The following ZNRF1 variants were observed in gnomAD, a reference collection of about 807,000 sequenced individuals.
The protein encoded by ZNRF1 is zinc and ring finger 1.
A neutral mutation model predicts 18.4 loss-of-function variants in ZNRF1; 3 were observed. The ratio of observed to expected loss-of-function variants is 0.16; its 90% confidence interval spans 0.07 to 0.42. ZNRF1 has a LOEUF of 0.42. ZNRF1 is among the 10% of genes least tolerant of loss of function. The pLI is 0.99. For synonymous variants in ZNRF1, 157 were observed against 144.2 expected, an observed-to-expected ratio of 1.09 and a Z score of -0.64; for missense variants, 310 against 329.8, an observed-to-expected ratio of 0.94 and a Z score of 0.47.
chr16:75,102,547 G>C (rs1405705975), intron 2 of ZNRF1, among the ~76,000 whole-genome samples: 2 of 152,202 alleles, frequency 1.3e-5, no homozygotes, highest in Non-Finnish European at 2.9e-5. Context: ...CTGTGGCTTG[G>C]AGGACTTCTG....
intron 1 of ZNRF1, among the ~76,000 whole-genome samples, chr16:75,010,896 G>C (rs1266507808): frequency 6.6e-6 from 1 of 151,936 alleles, no homozygotes; most frequent in Non-Finnish European, 1.5e-5. Flanking sequence ...TTTTAGTAGA[G>C]ATGGGGTTTC....
chr16:75,047,698 A>T (rs2035534367), intron 1 of ZNRF1, among the ~76,000 whole-genome samples: 1 of 152,066 alleles, frequency 6.6e-6, no homozygotes, highest in African/African-American at 2.4e-5. Flanking sequence ...TAATCATATC[A>T]CAGCTGTTTC....
rs142613865 is a variant in ZNRF1 at position 75,062,703 on chromosome 16, C to T, written c.425-30869C>T. On this transcript the variant is annotated intron_variant, in intron 1 of 4. Coordinates refer to ENST00000335325, the MANE Select transcript of ZNRF1 (RefSeq NM_032268.5). ...CAAGCCACTGTGGGTAATGGAGGCT[C>T]ATATGGGGTGGGGCTGGTGCTTGCT... Among the ~76,000 whole-genome samples, 387 of 152,274 alleles carry T rather than the reference C, an allele frequency of 2.5e-3. 1 individual carries two copies. Among genetic ancestry groups the T allele is most frequent in the African/African-American group, 8.5e-3 (354 of 41,560 alleles).
At chr16:75,075,232 A>G (rs1282293094) in intron 1 of ZNRF1, among the ~76,000 whole-genome samples, 1 of 152,244 alleles carries the variant, frequency 6.6e-6, no homozygotes, top group African/African-American at 2.4e-5. Flanking sequence ...TTTTCCTGCC[A>G]GCAGTACTGT....
chr16:75,036,884 G>A (rs953293257), intron 1 of ZNRF1, among the ~76,000 whole-genome samples: 4 of 152,138 alleles, frequency 2.6e-5, no homozygotes, highest in South Asian at 2.1e-4. Flanking sequence ...GAGTATATTC[G>A]AGAAGATGCT....
At chr16:75,050,869 T>C (rs1381499930) in intron 1 of ZNRF1, among the ~76,000 whole-genome samples, 1 of 30,668 alleles carries the variant, frequency 3.3e-5, no homozygotes, top group Non-Finnish European at 5.4e-5. Context: ...AGACTCCGTC[T>C]CAAAAAAAAA....
chr16:75,073,797 G>A (rs1398999956), intron 1 of ZNRF1, among the ~76,000 whole-genome samples: 1 of 151,986 alleles, frequency 6.6e-6, no homozygotes, highest in African/African-American at 2.4e-5. Flanking sequence ...ACATCCTCGT[G>A]CTGTATTCTG....
intron 1 of ZNRF1, among the ~76,000 whole-genome samples, chr16:75,044,013 A>G (rs942611341): frequency 1.3e-5 from 2 of 151,986 alleles, no homozygotes; most frequent in African/African-American, 4.8e-5. Context: ...TGGTTTCACC[A>G]TGTTGGCCAG....
rs1034015314 is a variant in ZNRF1 at position 75,110,985 on chromosome 16, G to A, written c.*3285G>A. On this transcript the variant is annotated 3_prime_UTR_variant, in exon 5 of 5. Coordinates refer to ENST00000335325, the MANE Select transcript of ZNRF1 (RefSeq NM_032268.5). ...AGCACGGGACAGAAACGTCACGGAG[G>A]AGTAGCCTCCAGGCTCAGGTTGGTG... 6.6e-6 allele frequency: 1 copy of A among 152,310 alleles called. No individual in the cohort carries two copies. Among genetic ancestry groups the A allele is most frequent in the Non-Finnish European group, 1.5e-5 (1 of 68,104 alleles). The allele number at this position is 152,310 out of a possible 1,614,324, so 9.4% of individuals were successfully genotyped here. A position where few individuals can be genotyped will look rare whatever the true frequency, so the allele number is the denominator to read the frequency against.
chr16:75,031,374 C>A (rs1373349375), intron 1 of ZNRF1, among the ~76,000 whole-genome samples: 2 of 152,126 alleles, frequency 1.3e-5, no homozygotes, highest in African/African-American at 4.8e-5. Context: ...TCGTGATCTG[C>A]CTGCCTCAGC....
intron 1 of ZNRF1, among the ~76,000 whole-genome samples, chr16:75,030,170 C>A (rs2035283579): frequency 6.6e-6 from 1 of 151,040 alleles, no homozygotes; most frequent in African/African-American, 2.4e-5. Flanking sequence ...GAGAATTGTA[C>A]AACCATCACC....
chr16:75,049,029 GTC>G (rs1288653854), intron 1 of ZNRF1, among the ~76,000 whole-genome samples: 1 of 147,766 alleles, frequency 6.8e-6, no homozygotes. Context: ...TTGAGATGGA[GTC>G]TCTCACTTTG....
At chr16:75,083,891 G>A (rs1021517888) in intron 1 of ZNRF1, among the ~76,000 whole-genome samples, 1 of 152,110 alleles carries the variant, frequency 6.6e-6, no homozygotes, top group Non-Finnish European at 1.5e-5. Flanking sequence ...GTAGAGGAAG[G>A]GTGCCTGAGG....
chr16:75,071,409 T>A (rs2035868855), intron 1 of ZNRF1, among the ~76,000 whole-genome samples: 1 of 152,132 alleles, frequency 6.6e-6, no homozygotes, highest in Admixed American at 6.5e-5. Context: ...TTTTGATGGC[T>A]CATTCCCTCA....
chr16:75,081,227 G>T (rs970165375), intron 1 of ZNRF1, among the ~76,000 whole-genome samples: 12 of 152,156 alleles, frequency 7.9e-5, no homozygotes, highest in African/African-American at 2.9e-4. Context: ...CTATATCCAG[G>T]GAAGAAGCTG....
rs955918191 is a variant in ZNRF1, at chr16:75,082,370, A to G, written c.425-11202A>G. Among the ~76,000 whole-genome samples, 4 of 152,214 alleles carry G rather than the reference A, an allele frequency of 2.6e-5. No individual in the cohort carries two copies. In the South Asian group the frequency reaches 6.2e-4, roughly 24 times the overall value. On this transcript the variant is annotated intron_variant, in intron 1 of 4. Transcript: ENST00000335325. ...CCTGTTCCTGGTAGATGCTTTCCCC[A>G]TTCTTCATGTGGCTGGAATACTGTT...
At chr16:75,016,243 ATTTT>A (rs1197502562) in intron 1 of ZNRF1, among the ~76,000 whole-genome samples, 2 of 142,158 alleles carry the variant, frequency 1.4e-5, no homozygotes, top group Non-Finnish European at 3.1e-5. Context: ...TTTTATTTTT[ATTTT>A]TTTATTTTTG....
intron 1 of ZNRF1, among the ~76,000 whole-genome samples, chr16:75,009,161 T>C (rs1320846540): frequency 6.6e-6 from 1 of 152,218 alleles, no homozygotes; most frequent in Non-Finnish European, 1.5e-5. Flanking sequence ...AAGCCACAAA[T>C]ACCCATAAGG....
chr16:75,104,538 T>G, intron 2 of ZNRF1: 1 of 338,584 alleles, frequency 3.0e-6, no homozygotes, highest in Non-Finnish European at 5.5e-6. Flanking sequence ...CACCTAGGCT[T>G]TTGGTTAATC....
Sources: gnomAD v4.1 joint callset for allele counts (sites outside exome capture counted in the v4.1 genomes callset) on GRCh38, gnomAD v4.1.1 for gene constraint, MANE v1.5 for transcripts, NCBI Gene and HGNC (gene_info 2026-07-23, HGNC 2026-07-21) for gene names.